Variants in OLFM3 observed in about 807,000 individuals in gnomAD.
The protein encoded by OLFM3 is noelin-3.
Under a neutral mutation model 48.6 loss-of-function variants are expected in OLFM3, and 20 were observed. That is an observed-to-expected ratio of 0.41 (90% CI 0.29 to 0.60). The LOEUF (loss-of-function observed/expected upper bound fraction) is 0.60, where lower values mean the gene tolerates loss of function less well. Ranked by LOEUF, OLFM3 falls within the 20% of genes least tolerant of loss-of-function variation. The probability of loss-of-function intolerance (pLI) is 0.28; values close to 1 mark genes in which losing one functional copy is unlikely to be tolerated. For missense variants in OLFM3, 437 were observed against 544.3 expected (o/e 0.80, Z 1.96); for synonymous variants, 222 against 198.1 (o/e 1.12, Z -1.01).
chr1:101,838,801 C>G (rs1035540908), intron 1 of OLFM3, among the ~76,000 whole-genome samples: 6 of 152,156 alleles, frequency 3.9e-5, no homozygotes, highest in African/African-American at 1.2e-4. Context: ...CTTAAAGTAA[C>G]TAAAGCATGA....
intron 1 of OLFM3, among the ~76,000 whole-genome samples, chr1:101,864,714 T>A (rs2100968160): frequency 6.6e-6 from 1 of 152,258 alleles, no homozygotes; most frequent in Non-Finnish European, 1.5e-5. Flanking sequence ...CAAGAGACAG[T>A]GTGGTTGAGG....
chr1:101,956,086 GTT>G (rs71592232), intron 1 of OLFM3, among the ~76,000 whole-genome samples: 7 of 105,054 alleles, frequency 6.7e-5, no homozygotes, highest in African/African-American at 1.2e-4. Flanking sequence ...ACAATAACAG[GTT>G]TTTTTTTTTT....
intron 1 of OLFM3, among the ~76,000 whole-genome samples, chr1:101,942,093 C>T (rs1436060061): frequency 6.6e-6 from 1 of 152,162 alleles, no homozygotes; most frequent in Non-Finnish European, 1.5e-5. Context: ...TTACAACTGT[C>T]TAGCTATAAG....
intron 1 of OLFM3, among the ~76,000 whole-genome samples, chr1:101,904,454 G>A (rs1658490944): frequency 1.3e-5 from 2 of 151,990 alleles, no homozygotes; most frequent in Admixed American, 6.6e-5. Context: ...CCTGACGCAT[G>A]GTCCATAATT....
intron 1 of OLFM3, among the ~76,000 whole-genome samples, chr1:101,995,828 A>G (rs1661541468): frequency 6.6e-6 from 1 of 152,228 alleles, no homozygotes; most frequent in African/African-American, 2.4e-5. Flanking sequence ...TTAAATAAGT[A>G]AAATAATAAA....
At position 101,833,447 on chromosome 1, in the gene OLFM3, G is replaced by C. The variant is rs772964751; in HGVS notation, c.217-2620C>G. Among the ~76,000 whole-genome samples the C allele has an allele frequency of 2.6e-5, 4 of 152,176 alleles. No individual in the cohort carries two copies. In the South Asian group the frequency reaches 6.2e-4, roughly 24 times the overall value. ...GCATCAGTTTCCTGATGACACGGGA[G>C]ACTGAATACCCATGACGACATGAGT... On this transcript the variant is annotated intron_variant, in intron 2 of 5. Coordinates refer to ENST00000370103, the MANE Select transcript of OLFM3 (RefSeq NM_058170.4).
chr1:101,892,379 A>G (rs1658034405), intron 1 of OLFM3, among the ~76,000 whole-genome samples: 1 of 149,390 alleles, frequency 6.7e-6, no homozygotes, highest in Non-Finnish European at 1.5e-5. Context: ...CAAAGACTTC[A>G]TCTATAGAAG....
At chr1:101,928,010 T>G (rs1045797688) in intron 1 of OLFM3, among the ~76,000 whole-genome samples, 1 of 152,052 alleles carries the variant, frequency 6.6e-6, no homozygotes, top group Non-Finnish European at 1.5e-5. Flanking sequence ...TAAACCCCAT[T>G]AAGATAGGCT....
intron 2 of OLFM3, among the ~76,000 whole-genome samples, chr1:101,836,012 TC>T (rs1268794756): frequency 6.6e-6 from 1 of 152,240 alleles, no homozygotes; most frequent in Non-Finnish European, 1.5e-5. Context: ...TTAAAAAGTT[TC>T]TATTCAATGC....
At chr1:101,835,824 T>C (rs1175054610) in intron 2 of OLFM3, among the ~76,000 whole-genome samples, 1 of 152,118 alleles carries the variant, frequency 6.6e-6, no homozygotes, top group Non-Finnish European at 1.5e-5. Flanking sequence ...TATAAGCACA[T>C]GAAAAAATCC....
chr1:101,858,553 G>C (rs375973400), intron 1 of OLFM3, among the ~76,000 whole-genome samples: 5 of 151,988 alleles, frequency 3.3e-5, no homozygotes, highest in African/African-American at 1.2e-4. Flanking sequence ...CCCAAATCTC[G>C]TATCAAATTG....
At chr1:101,975,305 C>T (rs1660922512) in intron 1 of OLFM3, among the ~76,000 whole-genome samples, 1 of 152,102 alleles carries the variant, frequency 6.6e-6, no homozygotes, top group African/African-American at 2.4e-5. Flanking sequence ...CACACACATG[C>T]ATTTAGTTTT....
chr1:101,890,242 A>G (rs1657937572), intron 1 of OLFM3, among the ~76,000 whole-genome samples: 1 of 152,092 alleles, frequency 6.6e-6, no homozygotes, highest in Non-Finnish European at 1.5e-5. Flanking sequence ...GATCTTGGAA[A>G]ATAGCTACTA....
intron 1 of OLFM3, among the ~76,000 whole-genome samples, chr1:101,922,145 C>T (rs924999146): frequency 6.6e-6 from 1 of 152,140 alleles, no homozygotes; most frequent in Non-Finnish European, 1.5e-5. Context: ...TATGTGAAAC[C>T]AACTCCATTT....
chr1:101,823,544 G>C (rs1439684142), intron 4 of OLFM3, among the ~76,000 whole-genome samples: 1 of 151,990 alleles, frequency 6.6e-6, no homozygotes, highest in Non-Finnish European at 1.5e-5. Flanking sequence ...CAAAAGCTAA[G>C]CCTGGAGAAG....
intron 1 of OLFM3, among the ~76,000 whole-genome samples, chr1:101,942,582 C>T (rs562041529): frequency 2.6e-5 from 4 of 152,270 alleles, no homozygotes; most frequent in Non-Finnish European, 4.4e-5. Context: ...TTATATAGAA[C>T]AGTACTTTAC....
At chr1:101,826,078 G>A (rs1654848985) in intron 3 of OLFM3, among the ~76,000 whole-genome samples, 1 of 151,200 alleles carries the variant, frequency 6.6e-6, no homozygotes, top group Non-Finnish European at 1.5e-5. Flanking sequence ...TTATGTAATA[G>A]ATGAGCCAGT....
intron 1 of OLFM3, among the ~76,000 whole-genome samples, chr1:101,925,305 T>C (rs1272810194): frequency 6.6e-6 from 1 of 151,976 alleles, no homozygotes. Context: ...TGGAAAGACA[T>C]TGATCTATAT....
At chr1:101,891,746 A>G (rs1257176649) in intron 1 of OLFM3, among the ~76,000 whole-genome samples, 3 of 152,048 alleles carry the variant, frequency 2.0e-5, no homozygotes, top group Non-Finnish European at 4.4e-5. Context: ...TCCAATGTGT[A>G]TATGCAAAGC....
Sources: allele counts gnomAD v4.1 joint callset (sites outside exome capture counted in the v4.1 genomes callset), GRCh38; gene constraint gnomAD v4.1.1; transcripts MANE v1.5; gene names NCBI Gene and HGNC (gene_info 2026-07-23, HGNC 2026-07-21).